The following AOAH variants were observed in gnomAD, a reference collection of about 807,000 sequenced individuals.
AOAH encodes the protein acyloxyacyl hydrolase (neutrophil).
Under a neutral mutation model 92.2 loss-of-function variants are expected in AOAH, and 64 were observed. The observed-to-expected ratio is 0.69, with a 90% CI of 0.57 to 0.86. AOAH has a LOEUF of 0.86. AOAH is among the 40% of genes least tolerant of loss of function. The pLI is 0.00. For missense variants in AOAH, 656 were observed against 694.6 expected (o/e 0.94, Z 0.62); for synonymous variants, 263 against 254.5 (o/e 1.03, Z -0.32).
chr7:36,632,114 G>GAA lies in AOAH; in HGVS notation c.451-10_451-9dup, dbSNP rs3832509. 127 of 1,297,462 alleles carry GAA rather than the reference G, an allele frequency of 9.8e-5. No individual in the cohort carries two copies. The highest frequency in any genetic ancestry group is 1.5e-4 in the Admixed American group (7 of 47,426). The allele number at this position is 1,297,462 out of a possible 1,614,324, so 80.4% of individuals were successfully genotyped here. A position where few individuals can be genotyped will look rare whatever the true frequency, so the allele number is the denominator to read the frequency against. On this transcript the variant is annotated splice_polypyrimidine_tract_variant and intron_variant, in intron 5 of 20. Transcript: ENST00000617537. Reference sequence around the variant, plus strand: ...ACCACTTCTAGAATATTTCTGGGGAGAAAAAAAAAAACAAAAAGAGAGTTG... The same window carrying GAA: ...ACCACTTCTAGAATATTTCTGGGGAGAAAAAAAAAAAAACAAAAAGAGAGTTG...
At chr7:36,682,300 AT>A (rs58124867) in intron 2 of AOAH, among the ~76,000 whole-genome samples, 10,452 of 151,758 alleles carry the variant, frequency 0.069, 776 homozygotes, top group African/African-American at 0.18. Flanking sequence ...AGCTGCCACA[AT>A]TTTTTTTTAA....
intron 19 of AOAH, among the ~76,000 whole-genome samples, chr7:36,526,993 A>G (rs150185122): frequency 2.0e-5 from 3 of 152,328 alleles, no homozygotes; most frequent in African/African-American, 7.2e-5. Context: ...GTCAGTGTAA[A>G]AATGGCTTTG....
At chr7:36,532,463 T>A in intron 16 of AOAH, 119 bp from the exon 17 acceptor site, 1 of 908,796 alleles carries the variant, frequency 1.1e-6, no homozygotes. Flanking sequence ...GTTCCCCTGA[T>A]TTTTCATGCA....
At chr7:36,610,159 C>CAAAAATAAAAAA (rs1791342880) in intron 11 of AOAH, among the ~76,000 whole-genome samples, 1 of 49,278 alleles carries the variant, frequency 2.0e-5, no homozygotes, top group African/African-American at 8.3e-5. Context: ...TCCATAATAG[C>CAAAAATAAAAAA]AAAAAAAAAA....
chr7:36,719,901 A>C (rs1233246705), intron 1 of AOAH, among the ~76,000 whole-genome samples: 1 of 151,870 alleles, frequency 6.6e-6, no homozygotes, highest in Admixed American at 6.6e-5. Context: ...GTACCACTGC[A>C]CTGTAGCCTG....
At chr7:36,711,544 G>C (rs144604017) in intron 1 of AOAH, among the ~76,000 whole-genome samples, 26 of 152,152 alleles carry the variant, frequency 1.7e-4, no homozygotes, top group Admixed American at 8.5e-4. Context: ...GCAGACAGGT[G>C]GTGAAAAATT....
intron 15 of AOAH, among the ~76,000 whole-genome samples, chr7:36,546,815 G>T (rs1785832720): frequency 6.6e-6 from 1 of 152,194 alleles, no homozygotes; most frequent in Non-Finnish European, 1.5e-5. Context: ...CTGAAGCATG[G>T]TGTTTCCTCT....
chr7:36,635,974 T>C (rs1214991180), intron 5 of AOAH, among the ~76,000 whole-genome samples: 1 of 152,204 alleles, frequency 6.6e-6, no homozygotes. Flanking sequence ...CTCATTGAGA[T>C]CCAGGCTTTA....
intron 15 of AOAH, among the ~76,000 whole-genome samples, chr7:36,544,882 G>A (rs1448329689): frequency 6.6e-6 from 1 of 152,112 alleles, no homozygotes; most frequent in African/African-American, 2.4e-5. Flanking sequence ...CAGCTTCCTG[G>A]AACCATAGCT....
chr7:36,706,092 C>G (rs896961142), intron 1 of AOAH, among the ~76,000 whole-genome samples: 1 of 152,088 alleles, frequency 6.6e-6, no homozygotes, highest in African/African-American at 2.4e-5. Flanking sequence ...TAGGCATGTG[C>G]AAAGACTTCA....
intron 6 of AOAH, among the ~76,000 whole-genome samples, chr7:36,627,986 G>A (rs1337625466): frequency 2.6e-5 from 4 of 152,136 alleles, no homozygotes; most frequent in Admixed American, 6.5e-5. Flanking sequence ...TGAGACTCAG[G>A]TAGCTCTCGA....
intron 4 of AOAH, among the ~76,000 whole-genome samples, chr7:36,642,240 A>G (rs1479408465): frequency 6.6e-6 from 1 of 152,062 alleles, no homozygotes; most frequent in Non-Finnish European, 1.5e-5. Flanking sequence ...TTAAGCTGAG[A>G]TAAGGTCATA....
intron 1 of AOAH, among the ~76,000 whole-genome samples, chr7:36,693,166 T>C (rs755516777): frequency 6.6e-6 from 1 of 152,190 alleles, no homozygotes; most frequent in African/African-American, 2.4e-5. Context: ...TGTGAACTAA[T>C]GGTTTTCAAT....
chr7:36,580,796 C>T (rs554415934), intron 12 of AOAH, among the ~76,000 whole-genome samples: 1 of 152,324 alleles, frequency 6.6e-6, no homozygotes, highest in African/African-American at 2.4e-5. Flanking sequence ...GGGAACCCTG[C>T]TGTCAGCATC....
At chr7:36,547,668 A>AT (rs1199133982) in intron 15 of AOAH, among the ~76,000 whole-genome samples, 42 of 147,318 alleles carry the variant, frequency 2.9e-4, no homozygotes, top group East Asian at 5.9e-4. Flanking sequence ...CTGTCTCACC[A>AT]TTTTTTTTTT....
intron 13 of AOAH, among the ~76,000 whole-genome samples, chr7:36,556,997 AT>A (rs1248611904): frequency 6.6e-6 from 1 of 151,644 alleles, no homozygotes; most frequent in Non-Finnish European, 1.5e-5. Flanking sequence ...TAAAGTTAAT[AT>A]TGTTATGTGT....
intron 19 of AOAH, among the ~76,000 whole-genome samples, chr7:36,527,851 G>A (rs866842490): frequency 6.6e-6 from 1 of 152,130 alleles, no homozygotes; most frequent in Non-Finnish European, 1.5e-5. Flanking sequence ...GCCCAGGCAC[G>A]GGTGGTTACC....
At chr7:36,690,939 A>G (rs1023278855) in intron 1 of AOAH, among the ~76,000 whole-genome samples, 2 of 152,298 alleles carry the variant, frequency 1.3e-5, no homozygotes, top group South Asian at 2.1e-4. Context: ...TCTAATTATA[A>G]TCATATCTGT....
At chr7:36,531,676 C>T (rs942394086) in intron 18 of AOAH, among the ~76,000 whole-genome samples, 3 of 152,110 alleles carry the variant, frequency 2.0e-5, no homozygotes, top group African/African-American at 4.8e-5. Flanking sequence ...AGAGATTATT[C>T]GCCATCTGTG....
Sources: gnomAD v4.1 joint callset for allele counts (sites outside exome capture counted in the v4.1 genomes callset) on GRCh38, gnomAD v4.1.1 for gene constraint, MANE v1.5 for transcripts, NCBI Gene and HGNC (gene_info 2026-07-23, HGNC 2026-07-21) for gene names.